ARHGEF11: variants seen among roughly 807,000 people sequenced by gnomAD.
ARHGEF11 encodes the protein Rho guanine exchange factor (GEF) 11.
In ARHGEF11, 55 loss-of-function variants were observed where a neutral mutation model predicts 193.7. The ratio of observed to expected loss-of-function variants is 0.28; its 90% CI spans 0.23 to 0.36. ARHGEF11 has a LOEUF of 0.36. ARHGEF11 is among the 10% of genes least tolerant of loss of function. ARHGEF11 has a pLI of 1.00. For missense variants in ARHGEF11, 1,723 were observed against 2,005.6 expected (o/e 0.86, Z 2.69); for synonymous variants, 693 against 768.0 (o/e 0.90, Z 1.62).
In ARHGEF11 at chr1:156,941,396, G is replaced by T. The variant is rs1656879741; in HGVS notation, c.3490C>A (p.Pro1164Thr). The change falls in exon 35 of 41, where the codon CCT (proline) becomes ACT (threonine). Residue 1164 changes from proline to threonine, a missense_variant. Pro to Thr is a conservative substitution (Grantham distance 38). Transcript: ENST00000368194. ...LDDSDVFHGE[P>T]EPEELPGGTG... is the part of the protein sequence containing the mutation. ...CCTCCAGGCAGCTCCTCAGGTTCAG[G>T]TTCACCATGGAACACGTCTGAGTCA... 6.2e-7 allele frequency: 1 copy of T among 1,613,634 alleles called. No homozygotes were observed. Among genetic ancestry groups the T allele is most frequent in the Non-Finnish European group, 8.5e-7 (1 of 1,179,720 alleles).
At chr1:156,998,937 A>G (rs1221158306) in intron 1 of ARHGEF11, among the ~76,000 whole-genome samples, 3 of 152,242 alleles carry the variant, frequency 2.0e-5, no homozygotes, top group Non-Finnish European at 1.5e-5. Flanking sequence ...ACTCCAGACA[A>G]CATAAAGCAA....
In ARHGEF11 at chr1:156,939,627, C is replaced by T; in HGVS notation, c.4017G>A (p.Glu1339=). Residue 1339 remains glutamate (E), a synonymous_variant, in exon 37 of 41, where the codon GAG becomes GAA. Transcript: ENST00000368194. The stretch of plus-strand genomic sequence containing the variant: ...CCAGATTCCTGTCCAGTTCTGGAGA[C>T]TCCCATATCCCAGAATTTCTGGTCC... The part of the protein sequence containing the change: ...PPRTRNSGIW[E]SPELDRNLAE... 1 of 1,613,762 alleles carries T rather than the reference C, an allele frequency of 6.2e-7. No homozygotes were observed. Among genetic ancestry groups the T allele is most frequent in the Non-Finnish European group, 8.5e-7 (1 of 1,180,026 alleles).
At chr1:156,957,192 GCAGCAAGGCTT>G (rs1660073609) in intron 18 of ARHGEF11, among the ~76,000 whole-genome samples, 1 of 152,188 alleles carries the variant, frequency 6.6e-6, no homozygotes, top group African/African-American at 2.4e-5. Flanking sequence ...TGCATTCAAT[GCAGCAAGGCTT>G]CAGCTCTGTC....
rs756777411 is a variant in ARHGEF11 at position 156,958,801 on chromosome 1, C to A, written c.1443G>T (p.Gly481=). The part of the protein sequence containing the change: ...YGENDLLDLD[G]DPLRERQVAE... ...CCACTTGGCGCTCTCGGAGAGGGTC[C>A]CCATCCAGGTCCAGCAGGTCATTTT... The change falls in exon 17 of 41, where the codon GGG becomes GGT. Residue 481 remains glycine (G), a synonymous_variant. Transcript: ENST00000368194. 4.3e-6 allele frequency: 7 copies of A among 1,614,062 alleles called. No homozygotes were observed. Among genetic ancestry groups the A allele is most frequent in the Admixed American group, 3.3e-5 (2 of 60,004 alleles).
Position 156,991,706 on chromosome 1 carries a change from GCTT to G in ARHGEF11, c.33-5536_33-5534del, listed in dbSNP as rs1261508020. Among the ~76,000 whole-genome samples the G allele has an allele frequency of 7.6e-5, 10 of 131,188 alleles. 1 individual carries two copies. In the East Asian group the frequency reaches 1.2e-3, roughly 16 times the overall value. The allele number at this position is 131,188 out of a possible 152,430, so 86.1% of individuals were successfully genotyped here. A position where few individuals can be genotyped will look rare whatever the true frequency, so the allele number is the denominator to read the frequency against. On this transcript the variant is annotated intron_variant, in intron 1 of 40. Transcript: ENST00000368194. ...AATTTTAGGGTTTTCTTTTTTTCAA[GCTT>G]ATTTTTTTTTTTTTTTTTTTTTTTT...
intron 1 of ARHGEF11, among the ~76,000 whole-genome samples, chr1:157,035,756 GGGAATATATATATATACA>G (rs1671841603): frequency 7.5e-6 from 1 of 133,198 alleles, no homozygotes; most frequent in Non-Finnish European, 1.6e-5. Flanking sequence ...GTGGCTATGT[GGGAATATATATATATACA>G]GGAATATATA....
intron 1 of ARHGEF11, among the ~76,000 whole-genome samples, chr1:157,041,769 C>A (rs997466945): frequency 6.6e-6 from 1 of 152,124 alleles, no homozygotes; most frequent in Non-Finnish European, 1.5e-5. Flanking sequence ...CCAAACTGTC[C>A]CTGCTTGTGA....
intron 31 of ARHGEF11, 102 bp downstream of exon 31, chr1:156,944,256 C>A: frequency 6.9e-7 from 1 of 1,456,174 alleles, no homozygotes; most frequent in South Asian, 1.2e-5. Context: ...ATGTCCTGAG[C>A]TATCACCTCC....
chr1:156,948,174 C>T lies in ARHGEF11; in HGVS notation c.2153+7G>A. On this transcript the variant is annotated splice_region_variant and intron_variant, in intron 24 of 40. Transcript: ENST00000368194. The surrounding 1 kb of genome is among the most constrained non-coding windows in gnomAD (Gnocchi z 4.2). ...CAAACAGAGGCACCACCGTGCCCAT[C>T]ACTTACCTGCGGCCCATTTTGGGAG... The T allele has an allele frequency of 6.4e-7, 1 of 1,561,052 alleles. No homozygotes were observed. The highest frequency in any genetic ancestry group is 8.7e-7 in the Non-Finnish European group (1 of 1,151,642).
intron 7 of ARHGEF11, among the ~76,000 whole-genome samples, chr1:156,975,215 T>C (rs1663091829): frequency 6.6e-6 from 1 of 152,204 alleles, no homozygotes; most frequent in Admixed American, 6.5e-5. Context: ...TCACAACGCT[T>C]GTTATTTTCC....
intron 1 of ARHGEF11, among the ~76,000 whole-genome samples, chr1:157,043,183 A>G (rs149848629): frequency 0.013 from 1,946 of 152,324 alleles, 38 homozygotes; most frequent in African/African-American, 0.044. Context: ...CCGAAGGTGG[A>G]CTGGGCATGG....
At chr1:157,046,842 C>A (rs908777066), upstream of ARHGEF11, among the ~76,000 whole-genome samples, 8 of 151,796 alleles carry the variant, frequency 5.3e-5, no homozygotes, top group African/African-American at 1.9e-4. Flanking sequence ...AAACCCCCCC[C>A]CTCTACTAAA....
rs76956680 is a variant in ARHGEF11 at position 156,957,649 on chromosome 1, T to A, written c.1526+143A>T. The A allele has an allele frequency of 1.1e-3, 957 of 860,028 alleles. 1 individual carries two copies. The highest frequency in any genetic ancestry group is 1.7e-3 in the Non-Finnish European group (859 of 515,856). 53.3% of individuals were successfully genotyped at this position (860,028 alleles called of 1,614,324 possible). A position where few individuals can be genotyped will look rare whatever the true frequency, so the allele number is the denominator to read the frequency against. ...TGTTATGGTCATACAGACACCTGAG[T>A]GCTAGACTTTCAGGAACCACGGTCC... On this transcript the variant is annotated intron_variant, in intron 18 of 40. Coordinates refer to ENST00000368194, the MANE Select transcript of ARHGEF11 (RefSeq NM_198236.3).
At chr1:156,960,325 G>A in intron 15 of ARHGEF11, 93 bp downstream of exon 15, 1 of 1,291,040 alleles carries the variant, frequency 7.7e-7, no homozygotes, top group African/African-American at 1.5e-5. Context: ...CCCAAGGACA[G>A]GGACTATGTC....
At chr1:156,961,293 C>T (rs1660801444) in intron 14 of ARHGEF11, among the ~76,000 whole-genome samples, 1 of 152,220 alleles carries the variant, frequency 6.6e-6, no homozygotes, top group Non-Finnish European at 1.5e-5. Context: ...GCTTCAGAAA[C>T]CTGGGTTCTC....
At chr1:156,936,480 G>GAAAAAAAAA (rs35863393) in intron 40 of ARHGEF11, among the ~76,000 whole-genome samples, 50 of 48,002 alleles carry the variant, frequency 1.0e-3, no homozygotes, top group African/African-American at 3.0e-3. Flanking sequence ...CAAATAAATA[G>GAAAAAAAAA]AAAAAAAAAA....
chr1:157,016,864 T>A (rs1669309208), intron 1 of ARHGEF11, among the ~76,000 whole-genome samples: 1 of 151,962 alleles, frequency 6.6e-6, no homozygotes, highest in African/African-American at 2.4e-5. Flanking sequence ...CAGGCTGGAG[T>A]GCAGTAGCAC....
chr1:157,013,290 C>CACACACACACACACACACACAA (rs1483329348), intron 1 of ARHGEF11, among the ~76,000 whole-genome samples: 2 of 150,758 alleles, frequency 1.3e-5, no homozygotes, highest in African/African-American at 2.4e-5. Flanking sequence ...CACACACACA[C>CACACACACACACACACACACAA]ACACACACAC....
At position 156,947,289 on chromosome 1, in the gene ARHGEF11, G is replaced by C. The variant is rs371477646; in HGVS notation, c.2488+15C>G. 4.4e-6 allele frequency: 7 copies of C among 1,593,696 alleles called. No homozygotes were observed. The African/African-American group carries it at 8.1e-5, about 18-fold the overall frequency. ...GGCAGCAGAAGAGGAGTCTGGAGGGGCACAGGCTCCTTACTGTGAATCTCT... is the reference window on the plus strand; with the variant it reads ...GGCAGCAGAAGAGGAGTCTGGAGGGCCACAGGCTCCTTACTGTGAATCTCT... On this transcript the variant is annotated intron_variant, in intron 26 of 40. Coordinates refer to ENST00000368194, the MANE Select transcript of ARHGEF11 (RefSeq NM_198236.3).
Sources: allele counts gnomAD v4.1 joint callset (sites outside exome capture counted in the v4.1 genomes callset), GRCh38; gene constraint gnomAD v4.1.1; non-coding constraint Gnocchi (gnomAD v3.1); transcripts MANE v1.5; gene names NCBI Gene and HGNC (gene_info 2026-07-23, HGNC 2026-07-21).